Variants in BPIFC observed in about 807,000 individuals in gnomAD.
BPIFC encodes the protein BPI fold containing family C.
A neutral mutation model predicts 57.6 loss-of-function variants in BPIFC; 60 were observed. The ratio of observed to expected loss-of-function variants is 1.04; its 90% CI spans 0.85 to 1.29. BPIFC has a LOEUF of 1.29. BPIFC is among the 50% of genes most tolerant of loss of function. The pLI is 0.00. For missense variants in BPIFC, 581 were observed against 600.5 expected (o/e 0.97, Z 0.34); for synonymous variants, 243 against 224.5 (o/e 1.08, Z -0.74).
intron 7 of BPIFC, among the ~76,000 whole-genome samples, chr22:32,444,146 T>C (rs1601470737): frequency 1.3e-5 from 2 of 152,206 alleles, no homozygotes; most frequent in African/African-American, 4.8e-5. Context: ...AACTCATTCT[T>C]CACTGGCCTC....
rs1934715039 is a variant in BPIFC, at chr22:32,445,887, A to G, written c.484T>C (p.Tyr162His). 5 of 1,614,006 alleles carry G rather than the reference A, an allele frequency of 3.1e-6. No individual in the cohort carries two copies. Among genetic ancestry groups the G allele is most frequent in the Non-Finnish European group, 4.2e-6 (5 of 1,180,032 alleles). Reference protein sequence around the residue: ...GHPTLKLQDCYAQLSHAHVSF... With the variant: ...GHPTLKLQDCHAQLSHAHVSF... The stretch of plus-strand genomic sequence containing the variant: ...ACGTGGGCATGGCTCAGTTGGGCGT[A>G]GCAATCTTGGAGCTTCAGGGTAGGA... The change falls in exon 6 of 17, where the codon TAC becomes CAC. Residue 162 changes from tyrosine to histidine, a missense_variant. Physicochemically the swap from Tyr to His is moderately conservative, Grantham distance 83 (BLOSUM62 2). Transcript: ENST00000300399.
At chr22:32,414,600 G>A (rs1003576620) in intron 16 of BPIFC, among the ~76,000 whole-genome samples, 175 bp from the exon 17 acceptor site, 8 of 152,036 alleles carry the variant, frequency 5.3e-5, no homozygotes, top group African/African-American at 1.7e-4. Flanking sequence ...TGCAAGCTCC[G>A]TCCCTCGGTT....
intron 13 of BPIFC, among the ~76,000 whole-genome samples, chr22:32,420,985 G>C (rs1933832655): frequency 6.6e-6 from 1 of 152,212 alleles, no homozygotes; most frequent in South Asian, 2.1e-4. Context: ...TTATTAGGAA[G>C]AGAAATGCTA....
intron 1 of BPIFC, among the ~76,000 whole-genome samples, chr22:32,462,168 C>CAAAAAAAAAAAAAAAAAAAAAAAA (rs35716277): frequency 3.7e-5 from 2 of 53,596 alleles, no homozygotes; most frequent in Non-Finnish European, 6.5e-5. Context: ...GACTCCATCT[C>CAAAAAAAAAAAAAAAAAAAAAAAA]AAAAAAAAAA....
chr22:32,432,461 C>T lies in BPIFC; in HGVS notation c.1061G>A (p.Gly354Asp). Residue 354 changes from glycine to aspartate, a missense_variant, in exon 12 of 17, where the codon GGC (glycine) becomes GAC (aspartate). Physicochemically the swap from Gly to Asp is moderately conservative, Grantham distance 94 (BLOSUM62 -1). Transcript: ENST00000300399. ...TEPPIINLQP[G>D]NFTLDIPASI... ...GGCAGGGATGTCCAGGGTGAAATTG[C>T]CTGGTTGTAGATTGATTATGGGAGG... 2 of 1,613,998 alleles carry T rather than the reference C, an allele frequency of 1.2e-6. No homozygotes were observed. The highest frequency in any genetic ancestry group is 1.7e-6 in the Non-Finnish European group (2 of 1,180,000).
At chr22:32,436,385 G>A (rs1198714136) in intron 9 of BPIFC, among the ~76,000 whole-genome samples, 22 of 138,448 alleles carry the variant, frequency 1.6e-4, no homozygotes, top group African/African-American at 6.3e-4. Flanking sequence ...AGGAAGAGGA[G>A]GAGGAGGAAG....
Position 32,424,588 on chromosome 22 carries a change from T to C in BPIFC, c.1218-5184A>G, listed in dbSNP as rs1244204148. Among the ~76,000 whole-genome samples, 517 of 86,880 alleles carry C rather than the reference T, an allele frequency of 6.0e-3. 37 individuals are homozygous for C. The highest frequency in any genetic ancestry group is 0.014 in the Admixed American group (125 of 9,050). The allele number at this position is 86,880 out of a possible 152,430, so 57.0% of individuals were successfully genotyped here. A position where few individuals can be genotyped will look rare whatever the true frequency, so the allele number is the denominator to read the frequency against. On this transcript the variant is annotated intron_variant, in intron 13 of 16. Coordinates refer to ENST00000300399, the MANE Select transcript of BPIFC (RefSeq NM_174932.3). ...GTGTTATTTTCTTTCTTCTTCTTCT[T>C]CTTCTTCTTCTTCTCCTCCTCCTCC...
At chr22:32,423,577 G>GGTGTGTGTGT (rs369571670) in intron 13 of BPIFC, among the ~76,000 whole-genome samples, 4,425 of 143,170 alleles carry the variant, frequency 0.031, 100 homozygotes, top group Admixed American at 0.058. Context: ...GTAGGGTGTG[G>GGTGTGTGTGT]GTGTGTGTGT....
chr22:32,445,783 C>G (rs893086370), intron 6 of BPIFC, 58 bp downstream of exon 6: 1 of 1,587,380 alleles, frequency 6.3e-7, no homozygotes, highest in Admixed American at 1.8e-5. Context: ...CTTCCCTAGG[C>G]GATGCCTGAG....
At chr22:32,440,011 G>C (rs1390658973) in intron 8 of BPIFC, among the ~76,000 whole-genome samples, 1 of 152,186 alleles carries the variant, frequency 6.6e-6, no homozygotes, top group Non-Finnish European at 1.5e-5. Context: ...AAAGGAACTT[G>C]CTCAAGGAAA....
chr22:32,433,776 G>T lies in BPIFC; in HGVS notation c.925-4C>A. Reference sequence around the variant, plus strand: ...TTTGAACAAAATGGTTGGAAATCTGGAAAATAAAGCCCATTATGTCACTGT... The same window carrying T: ...TTTGAACAAAATGGTTGGAAATCTGTAAAATAAAGCCCATTATGTCACTGT... On this transcript the variant is annotated splice_region_variant and splice_polypyrimidine_tract_variant and intron_variant, in intron 10 of 16. Coordinates refer to ENST00000300399, the MANE Select transcript of BPIFC (RefSeq NM_174932.3). The T allele has an allele frequency of 1.9e-6, 3 of 1,613,212 alleles. No homozygotes were observed. Among genetic ancestry groups the T allele is most frequent in the Non-Finnish European group, 8.5e-7 (1 of 1,179,242 alleles).
intron 13 of BPIFC, among the ~76,000 whole-genome samples, chr22:32,429,516 T>TTG (rs1220507972): frequency 9.9e-5 from 12 of 121,142 alleles, no homozygotes; most frequent in African/African-American, 3.6e-4. Context: ...TTTGTTTTTT[T>TTG]TTTTTTTTTT....
At chr22:32,428,857 C>T (rs999154942) in intron 13 of BPIFC, among the ~76,000 whole-genome samples, 18 of 152,078 alleles carry the variant, frequency 1.2e-4, no homozygotes, top group African/African-American at 4.3e-4. Flanking sequence ...CGAGATCGCA[C>T]CCCTGCACTC....
intron 13 of BPIFC, among the ~76,000 whole-genome samples, chr22:32,424,704 C>CTT (rs1283744338): frequency 2.1e-5 from 2 of 93,202 alleles, no homozygotes; most frequent in African/African-American, 6.3e-5. Flanking sequence ...TCTTCTTCTT[C>CTT]CTCTTCTTCT....
chr22:32,440,155 A>G (rs1230868672), intron 8 of BPIFC, among the ~76,000 whole-genome samples: 1 of 152,146 alleles, frequency 6.6e-6, no homozygotes, highest in East Asian at 1.9e-4. Flanking sequence ...TTTTTGAGAC[A>G]AGATCTCACT....
rs1803034704 is a variant in BPIFC at position 32,464,445 on chromosome 22, C to T, written c.-160G>A. On this transcript the variant is annotated 5_prime_UTR_variant, in exon 1 of 17. Coordinates refer to ENST00000300399, the MANE Select transcript of BPIFC (RefSeq NM_174932.3). ...TCTGCCTTTGAAGCTGATGTGTTCT[C>T]CACCTTGCGCCTTAAACTCAGCTGC... 2.0e-6 allele frequency: 2 copies of T among 985,190 alleles called. No individual in the cohort carries two copies. The highest frequency in any genetic ancestry group is 1.7e-5 in the African/African-American group (1 of 57,210). 61.0% of individuals were successfully genotyped at this position (985,190 alleles called of 1,614,324 possible).
chr22:32,441,947 G>T (rs1199910319), intron 8 of BPIFC, among the ~76,000 whole-genome samples: 1 of 152,146 alleles, frequency 6.6e-6, no homozygotes, highest in African/African-American at 2.4e-5. Context: ...TCACAATAGG[G>T]TTCGCACTCC....
At chr22:32,448,727 C>T (rs12627966) in intron 4 of BPIFC, among the ~76,000 whole-genome samples, 8,617 of 152,090 alleles carry the variant, frequency 0.057, 266 homozygotes, top group Non-Finnish European at 0.064. Context: ...ATCACAAGGT[C>T]AGGAGTTCGA....
chr22:32,446,273 T>C (rs1388254725), intron 5 of BPIFC, among the ~76,000 whole-genome samples: 1 of 152,216 alleles, frequency 6.6e-6, no homozygotes, highest in Non-Finnish European at 1.5e-5. Flanking sequence ...TGAGCTTGTA[T>C]TGAGCACCCT....
Sources: allele counts gnomAD v4.1 joint callset (sites outside exome capture counted in the v4.1 genomes callset), GRCh38; gene constraint gnomAD v4.1.1; transcripts MANE v1.5; gene names NCBI Gene and HGNC (gene_info 2026-07-23, HGNC 2026-07-21).